POC5: variants seen among roughly 807,000 people sequenced by gnomAD.
POC5 encodes the protein POC5 centriolar protein.
A neutral mutation model predicts 62.9 loss-of-function variants in POC5; 48 were observed. That is an observed-to-expected ratio of 0.76 (90% CI 0.61 to 0.97). The LOEUF is 0.97. POC5 is among the 50% of genes least tolerant of loss of function. The pLI is 0.00. For synonymous variants in POC5, 236 were observed against 228.2 expected, an observed-to-expected ratio of 1.03 and a Z score of -0.31; for missense variants, 696 against 679.5, an observed-to-expected ratio of 1.02 and a Z score of -0.27.
chr5:75,699,270 G>T (rs1463623636), intron 5 of POC5, among the ~76,000 whole-genome samples: 1 of 151,856 alleles, frequency 6.6e-6, no homozygotes, highest in African/African-American at 2.4e-5. Context: ...AACCAAAAAA[G>T]AGAATTTTAG....
intron 2 of POC5, among the ~76,000 whole-genome samples, chr5:75,711,993 C>T (rs1777363371): frequency 1.3e-5 from 2 of 152,166 alleles, no homozygotes; most frequent in African/African-American, 4.8e-5. Context: ...GGACAGGTAC[C>T]ATCAAAAGGG....
chr5:75,704,297 T>C (rs971743481), intron 4 of POC5, among the ~76,000 whole-genome samples: 15 of 152,244 alleles, frequency 9.9e-5, no homozygotes, highest in African/African-American at 3.4e-4. Context: ...AAGAGCTTTC[T>C]TCCTACTGAA....
intron 11 of POC5, chr5:75,677,522 T>C (rs1318300769): frequency 4.1e-6 from 1 of 245,952 alleles, no homozygotes; most frequent in Non-Finnish European, 7.7e-6. Context: ...TAGTATTTTA[T>C]AATTTTTACA....
chr5:75,704,214 G>A (rs903811413), intron 4 of POC5, among the ~76,000 whole-genome samples: 1 of 150,858 alleles, frequency 6.6e-6, no homozygotes, highest in African/African-American at 2.4e-5. Context: ...TATTTATGCT[G>A]GAATTAGAGA....
chr5:75,697,740 G>A lies in POC5; in HGVS notation c.514-2909C>T, dbSNP rs566128660. 9.4e-3 allele frequency among the ~76,000 whole-genome samples: 1,432 copies of A among 151,922 alleles called. 25 individuals are homozygous for A. Among genetic ancestry groups the A allele is most frequent in the African/African-American group, 0.033 (1,362 of 41,394 alleles). On this transcript the variant is annotated intron_variant, in intron 5 of 11. Transcript: ENST00000428202. ...CAATATTAACTTTAAATGTAAATGG[G>A]CTAAATGCTCCAATTAAAAGACACA...
At chr5:75,688,724 A>G (rs1031059767) in intron 9 of POC5, among the ~76,000 whole-genome samples, 10 of 152,346 alleles carry the variant, frequency 6.6e-5, no homozygotes, top group Admixed American at 4.6e-4. Context: ...CTTAGTTAAA[A>G]GAGATTTAAA....
intron 10 of POC5, among the ~76,000 whole-genome samples, chr5:75,683,703 T>TAA (rs199993511): frequency 2.9e-5 from 4 of 138,816 alleles, no homozygotes; most frequent in African/African-American, 2.6e-5. Flanking sequence ...AAACTCTAGT[T>TAA]AAAAAAAAAA....
At chr5:75,685,565 G>A in intron 9 of POC5, 81 bp from the exon 10 acceptor site, 1 of 1,439,786 alleles carries the variant, frequency 6.9e-7, no homozygotes, top group East Asian at 2.3e-5. Flanking sequence ...AACACATACT[G>A]GCTAAAGTTT....
intron 5 of POC5, among the ~76,000 whole-genome samples, chr5:75,697,781 T>A (rs1490602590): frequency 2.6e-5 from 4 of 151,422 alleles, no homozygotes; most frequent in Non-Finnish European, 5.9e-5. Flanking sequence ...GCAAATTGGA[T>A]AAAGAGTCAA....
At chr5:75,702,252 C>G (rs1776919477) in intron 5 of POC5, among the ~76,000 whole-genome samples, 1 of 152,070 alleles carries the variant, frequency 6.6e-6, no homozygotes. Flanking sequence ...ATAGGTGCAG[C>G]AAACCACCAT....
rs1485156755 is a variant in POC5 at position 75,707,763 on chromosome 5, G to A, written c.197C>T (p.Thr66Ile). 2 of 1,553,320 alleles carry A rather than the reference G, an allele frequency of 1.3e-6. No individual in the cohort carries two copies. The highest frequency in any genetic ancestry group is 8.7e-7 in the Non-Finnish European group (1 of 1,143,454). The change falls in exon 3 of 12, where the codon ACA becomes ATA. Residue 66 changes from threonine to isoleucine, a missense_variant. By Grantham distance (89) the Thr-to-Ile change is moderately conservative. Coordinates refer to ENST00000428202, the MANE Select transcript of POC5 (RefSeq NM_001099271.2). ...GELVPDVRIS[T>I]IHDILHSQGN... ...TTGACTATGAAGAATATCATGAATTGTAGAAATTCTGACATCTGGCACCAA... is the reference window on the plus strand; with the variant it reads ...TTGACTATGAAGAATATCATGAATTATAGAAATTCTGACATCTGGCACCAA...
intron 8 of POC5, 112 bp from the exon 9 acceptor site, chr5:75,689,277 G>T: frequency 7.2e-7 from 1 of 1,383,232 alleles, no homozygotes; most frequent in Non-Finnish European, 9.3e-7. Flanking sequence ...TAAAAAGTTT[G>T]TCACTTACCT....
Position 75,687,831 on chromosome 5 carries a change from A to G in POC5, c.1129+1181T>C, listed in dbSNP as rs556494007. Among the ~76,000 whole-genome samples, 6 of 152,346 alleles carry G rather than the reference A, an allele frequency of 3.9e-5. No homozygotes were observed. The East Asian group carries it at 1.2e-3, about 29-fold the overall frequency. Reference sequence around the variant, plus strand: ...CCCAAGTAAACAATTAAATTTCTCAATTTGTGACACACAACTTGCTGATAC... The same window carrying G: ...CCCAAGTAAACAATTAAATTTCTCAGTTTGTGACACACAACTTGCTGATAC... On this transcript the variant is annotated intron_variant, in intron 9 of 11. Transcript: ENST00000428202.
intron 10 of POC5, among the ~76,000 whole-genome samples, chr5:75,683,103 T>C (rs1314401706): frequency 1.3e-5 from 2 of 152,202 alleles, no homozygotes; most frequent in African/African-American, 4.8e-5. Context: ...CTGCCTCTTC[T>C]TTCCTCTTAT....
rs192094871 is a variant in POC5, at chr5:75,681,774, T to A, written c.1407+3433A>T. On this transcript the variant is annotated intron_variant, in intron 10 of 11. Coordinates refer to ENST00000428202, the MANE Select transcript of POC5 (RefSeq NM_001099271.2). ...AAATACCAAGAAAAACTGAAAAAAA[T>A]TTTTGAATGTTCATAGGAAGCCTCT... 1.1e-3 allele frequency among the ~76,000 whole-genome samples: 169 copies of A among 152,074 alleles called. 1 individual carries two copies. In the East Asian group the frequency reaches 0.028, roughly 25 times the overall value.
intron 2 of POC5, among the ~76,000 whole-genome samples, chr5:75,712,055 A>T (rs115393654): frequency 6.6e-6 from 1 of 152,320 alleles, no homozygotes; most frequent in African/African-American, 2.4e-5. Flanking sequence ...TTTATCCTGT[A>T]AATATTCAGA....
intron 5 of POC5, among the ~76,000 whole-genome samples, chr5:75,696,301 T>G (rs543443207): frequency 4.1e-4 from 63 of 152,292 alleles, no homozygotes; most frequent in African/African-American, 1.4e-3. Context: ...CTCTGCAGAC[T>G]TAAATGTCCC....
At chr5:75,676,362 C>T (rs189807796) in intron 11 of POC5, among the ~76,000 whole-genome samples, 1 of 152,250 alleles carries the variant, frequency 6.6e-6, no homozygotes, top group Admixed American at 6.5e-5. Context: ...CAGAGTCTGT[C>T]CAACTTATGA....
At chr5:75,682,543 T>G (rs1378243181) in intron 10 of POC5, among the ~76,000 whole-genome samples, 3 of 133,636 alleles carry the variant, frequency 2.2e-5, no homozygotes, top group Non-Finnish European at 3.1e-5. Context: ...TGAGACAGAG[T>G]CTCACTCTGT....
Sources: allele counts gnomAD v4.1 joint callset (sites outside exome capture counted in the v4.1 genomes callset), GRCh38; gene constraint gnomAD v4.1.1; transcripts MANE v1.5; gene names NCBI Gene and HGNC (gene_info 2026-07-23, HGNC 2026-07-21).